The following SHANK2 variants were observed in gnomAD, a reference collection of about 807,000 sequenced individuals.
SHANK2 encodes SH3 and multiple ankyrin repeat domains 2.
In SHANK2, 43 loss-of-function variants were observed where a neutral mutation model predicts 133.7. That is an observed-to-expected ratio of 0.32 (90% confidence interval 0.25 to 0.41). The LOEUF is 0.41. SHANK2 is among the 10% of genes least tolerant of loss of function. The pLI, the probability that SHANK2 is intolerant of heterozygous loss-of-function variation, is 1.00. For synonymous variants in SHANK2, 1,017 were observed against 952.8 expected, an observed-to-expected ratio of 1.07 and a Z score of -1.24; for missense variants, 1,994 against 2,235.8, an observed-to-expected ratio of 0.89 and a Z score of 2.18.
intron 9 of SHANK2, among the ~76,000 whole-genome samples, chr11:71,065,194 C>T (rs1169559334): frequency 5.3e-5 from 8 of 152,138 alleles, no homozygotes; most frequent in African/African-American, 1.4e-4. Flanking sequence ...GTGGAAGCCA[C>T]GTGTGCAGAA....
At chr11:70,489,707 C>G (rs982443559) in intron 23 of SHANK2, 1 of 350,076 alleles carries the variant, frequency 2.9e-6, no homozygotes, top group African/African-American at 2.1e-5. Context: ...CTCAAAGGGT[C>G]AAGTGTGACC....
At chr11:70,605,357 G>A (rs980771321) in intron 17 of SHANK2, among the ~76,000 whole-genome samples, 6 of 152,348 alleles carry the variant, frequency 3.9e-5, no homozygotes, top group Middle Eastern at 3.4e-3. Context: ...GGCAGCAAGC[G>A]GGTGAGCCCG....
At chr11:71,145,096 C>T (rs577397121) in intron 3 of SHANK2, among the ~76,000 whole-genome samples, 11 of 152,174 alleles carry the variant, frequency 7.2e-5, no homozygotes, top group African/African-American at 1.9e-4. Flanking sequence ...CAAAAGACCA[C>T]GCCTATCCTC....
intron 15 of SHANK2, chr11:70,661,989 G>A (rs1388868882): frequency 3.2e-6 from 2 of 622,602 alleles, no homozygotes; most frequent in East Asian, 5.8e-5. Context: ...GGAGGCTCAA[G>A]GGGGGCTGGC....
At chr11:70,632,989 G>A (rs558269140) in intron 17 of SHANK2, among the ~76,000 whole-genome samples, 7 of 152,124 alleles carry the variant, frequency 4.6e-5, no homozygotes, top group Admixed American at 2.0e-4. Flanking sequence ...AAGGACAGGC[G>A]CAGGTGCTCA....
intron 2 of SHANK2, among the ~76,000 whole-genome samples, chr11:71,184,743 T>C (rs1470529454): frequency 6.6e-6 from 1 of 152,178 alleles, no homozygotes; most frequent in Admixed American, 6.5e-5. Context: ...GGGCCACACA[T>C]TCTGGCAAGT....
At chr11:71,121,356 G>A (rs1952080642) in intron 3 of SHANK2, among the ~76,000 whole-genome samples, 1 of 152,190 alleles carries the variant, frequency 6.6e-6, no homozygotes, top group Non-Finnish European at 1.5e-5. Context: ...GATTTATTTG[G>A]GAATAGGATC....
At chr11:71,170,543 CAGA>C (rs1331421601) in intron 2 of SHANK2, among the ~76,000 whole-genome samples, 3 of 152,188 alleles carry the variant, frequency 2.0e-5, no homozygotes, top group African/African-American at 7.2e-5. Flanking sequence ...TCTGTGAAAG[CAGA>C]AGAAACTATG....
intron 15 of SHANK2, among the ~76,000 whole-genome samples, chr11:70,680,866 A>C (rs1945015434): frequency 6.6e-6 from 1 of 152,104 alleles, no homozygotes; most frequent in Non-Finnish European, 1.5e-5. Context: ...GGGACTCTCA[A>C]CAGGATGCAG....
intron 6 of SHANK2, among the ~76,000 whole-genome samples, chr11:71,102,040 G>A (rs749681985): frequency 1.3e-5 from 2 of 152,164 alleles, no homozygotes; most frequent in African/African-American, 2.4e-5. Flanking sequence ...TAAAAGAGTC[G>A]AAAGGCATTT....
In SHANK2 at chr11:70,636,579, ATG is replaced by A. The variant is rs797026738; in HGVS notation, c.2061+23247_2061+23248del. Among the ~76,000 whole-genome samples the A allele has an allele frequency of 3.7e-4, 14 of 38,098 alleles. 1 individual carries two copies. The highest frequency in any genetic ancestry group is 1.0e-3 in the South Asian group (1 of 990). 25.0% of individuals were successfully genotyped at this position (38,098 alleles called of 152,430 possible). A position where few individuals can be genotyped will look rare whatever the true frequency, so the allele number is the denominator to read the frequency against. On this transcript the variant is annotated intron_variant, in intron 17 of 25. Transcript: ENST00000601538. The stretch of plus-strand genomic sequence containing the variant: ...AGTACATGTGCATGTGTGTGTATGA[ATG>A]TGAGTCTGTGTGAGTGTATGAGTGT...
intron 17 of SHANK2, among the ~76,000 whole-genome samples, chr11:70,508,727 CAA>C (rs2059163889): frequency 6.6e-6 from 1 of 152,188 alleles, no homozygotes; most frequent in Admixed American, 6.5e-5. Context: ...CCCATTTCTA[CAA>C]AAAATACAAG....
chr11:70,662,178 T>C, intron 15 of SHANK2: 1 of 285,114 alleles, frequency 3.5e-6, no homozygotes, highest in South Asian at 3.9e-5. Flanking sequence ...TTGTTTTGCT[T>C]TTCCTTGAAG....
chr11:71,201,038 C>A (rs560159680), intron 2 of SHANK2, among the ~76,000 whole-genome samples: 145 of 152,224 alleles, frequency 9.5e-4, no homozygotes, highest in African/African-American at 3.4e-3. Flanking sequence ...AGCCCCCACA[C>A]CGACCTCCCC....
At chr11:70,491,193 T>C (rs2058882329) in intron 22 of SHANK2, among the ~76,000 whole-genome samples, 1 of 152,266 alleles carries the variant, frequency 6.6e-6, no homozygotes, top group Non-Finnish European at 1.5e-5. Context: ...ATGCGGACGC[T>C]CAATGGAAAT....
intron 1 of SHANK2, among the ~76,000 whole-genome samples, chr11:71,251,255 C>G (rs916390067): frequency 3.9e-5 from 6 of 152,242 alleles, no homozygotes; most frequent in Non-Finnish European, 7.3e-5. Flanking sequence ...GCCTCGCCCA[C>G]GCGCCCACCC....
chr11:70,651,975 G>T (rs2061344399), intron 17 of SHANK2, among the ~76,000 whole-genome samples: 1 of 152,242 alleles, frequency 6.6e-6, no homozygotes, highest in Non-Finnish European at 1.5e-5. Flanking sequence ...TACCCCAAAA[G>T]GAAAGCTAGA....
chr11:70,768,573 T>C (rs556914280), intron 14 of SHANK2, among the ~76,000 whole-genome samples: 41 of 152,246 alleles, frequency 2.7e-4, no homozygotes, highest in African/African-American at 9.6e-4. Flanking sequence ...AGGGGCCATC[T>C]CTAACCACTT....
chr11:70,772,484 G>A (rs1259287255), intron 14 of SHANK2, among the ~76,000 whole-genome samples: 1 of 151,718 alleles, frequency 6.6e-6, no homozygotes, highest in Non-Finnish European at 1.5e-5. Context: ...CTGAAAGAGT[G>A]AAGGACAGGC....
Sources: allele counts gnomAD v4.1 joint callset (sites outside exome capture counted in the v4.1 genomes callset), GRCh38; gene constraint gnomAD v4.1.1; transcripts MANE v1.5; gene names NCBI Gene and HGNC (gene_info 2026-07-23, HGNC 2026-07-21).